Variants in DTNB observed in about 807,000 individuals in gnomAD.
The protein encoded by DTNB is DTN-B.
In DTNB, 63 loss-of-function variants were observed where a neutral mutation model predicts 90.7. That is an observed-to-expected ratio of 0.69 (90% CI 0.57 to 0.86). DTNB has a LOEUF of 0.86. Among genes scored for constraint, DTNB ranks in the 40% least tolerant of loss-of-function variants. The probability of loss-of-function intolerance (pLI) is 0.00; values close to 1 mark genes in which losing one functional copy is unlikely to be tolerated. For missense variants in DTNB, 744 were observed against 807.1 expected, an observed-to-expected ratio of 0.92 and a Z score of 0.95; for synonymous variants, 277 against 286.7, an observed-to-expected ratio of 0.97 and a Z score of 0.34.
intron 9 of DTNB, among the ~76,000 whole-genome samples, chr2:25,515,082 C>T (rs946207426): frequency 6.6e-6 from 1 of 151,850 alleles, no homozygotes; most frequent in Non-Finnish European, 1.5e-5. Flanking sequence ...GTGGCTACTG[C>T]TAAGGATTTG....
intron 9 of DTNB, among the ~76,000 whole-genome samples, chr2:25,522,287 T>C (rs1420856386): frequency 1.3e-5 from 2 of 152,214 alleles, no homozygotes; most frequent in African/African-American, 2.4e-5. Flanking sequence ...CAAAGAAATA[T>C]GCCTGACATC....
At chr2:25,463,137 G>T (rs2061271977) in intron 10 of DTNB, among the ~76,000 whole-genome samples, 1 of 152,020 alleles carries the variant, frequency 6.6e-6, no homozygotes, top group African/African-American at 2.4e-5. Context: ...GTGCCCAATG[G>T]GCATTTCAAA....
intron 6 of DTNB, among the ~76,000 whole-genome samples, chr2:25,583,457 C>A: frequency 6.6e-6 from 1 of 151,434 alleles, no homozygotes; most frequent in Non-Finnish European, 1.5e-5. Context: ...ACTTATAATT[C>A]TAATACTACT....
chr2:25,459,880 G>C (rs2060660534), intron 10 of DTNB, among the ~76,000 whole-genome samples: 1 of 152,126 alleles, frequency 6.6e-6, no homozygotes, highest in Admixed American at 6.5e-5. Flanking sequence ...GGACGAGGTG[G>C]GAGGATCACT....
intron 11 of DTNB, among the ~76,000 whole-genome samples, chr2:25,453,540 C>A (rs2059577003): frequency 6.6e-6 from 1 of 152,194 alleles, no homozygotes; most frequent in Non-Finnish European, 1.5e-5. Context: ...GGTGAGACTT[C>A]AGGGCCTTAG....
At chr2:25,519,825 C>G (rs1287321700) in intron 9 of DTNB, among the ~76,000 whole-genome samples, 2 of 152,142 alleles carry the variant, frequency 1.3e-5, no homozygotes, top group African/African-American at 4.8e-5. Flanking sequence ...TAGAATGAAT[C>G]TGATACTCCT....
intron 8 of DTNB, among the ~76,000 whole-genome samples, chr2:25,538,455 A>C (rs1244049395): frequency 6.6e-6 from 1 of 152,010 alleles, no homozygotes; most frequent in Non-Finnish European, 1.5e-5. Context: ...GTGTTTGTAC[A>C]GTTTTCTTTT....
At chr2:25,470,005 G>A (rs1170990285) in intron 10 of DTNB, among the ~76,000 whole-genome samples, 1 of 152,180 alleles carries the variant, frequency 6.6e-6, no homozygotes, top group Non-Finnish European at 1.5e-5. Context: ...AAAGAGACCA[G>A]ATCGCCCCAA....
At chr2:25,662,142 C>G (rs1353054776) in intron 1 of DTNB, among the ~76,000 whole-genome samples, 1 of 142,830 alleles carries the variant, frequency 7.0e-6, no homozygotes, top group African/African-American at 2.6e-5. Context: ...GGTGACAGAG[C>G]GAGACTCCGT....
chr2:25,627,182 G>A (rs2074358225), intron 4 of DTNB, among the ~76,000 whole-genome samples: 1 of 152,228 alleles, frequency 6.6e-6, no homozygotes, highest in Admixed American at 6.5e-5. Context: ...GGAAGCCAAG[G>A]TGGGCGGATC....
chr2:25,430,830 C>T (rs182255039), intron 14 of DTNB, among the ~76,000 whole-genome samples: 20 of 152,206 alleles, frequency 1.3e-4, no homozygotes, highest in African/African-American at 2.9e-4. Flanking sequence ...TTGACTATTA[C>T]GCTTCATATA....
intron 12 of DTNB, among the ~76,000 whole-genome samples, chr2:25,444,386 G>T (rs577243287): frequency 7.0e-4 from 107 of 152,012 alleles, no homozygotes; most frequent in Non-Finnish European, 1.4e-3. Context: ...CAAAAAATTA[G>T]CCGGGTGTGG....
At chr2:25,588,666 G>A (rs1186998163) in intron 6 of DTNB, among the ~76,000 whole-genome samples, 2 of 152,114 alleles carry the variant, frequency 1.3e-5, no homozygotes, top group Admixed American at 1.3e-4. Flanking sequence ...CCTGGCCTCT[G>A]AGGACATTTT....
chr2:25,643,553 C>T (rs1048202699), intron 2 of DTNB, among the ~76,000 whole-genome samples: 15 of 152,150 alleles, frequency 9.9e-5, no homozygotes, highest in Non-Finnish European at 1.9e-4. Flanking sequence ...AAAAGTTAGA[C>T]AAACTGTAGA....
intron 9 of DTNB, among the ~76,000 whole-genome samples, chr2:25,518,042 G>T (rs1003859231): frequency 1.3e-5 from 2 of 152,112 alleles, no homozygotes; most frequent in African/African-American, 2.4e-5. Flanking sequence ...AAAGTAGAAC[G>T]GTGGTCACAG....
intron 6 of DTNB, among the ~76,000 whole-genome samples, chr2:25,591,731 T>C (rs1403325581): frequency 6.6e-6 from 1 of 152,030 alleles, no homozygotes; most frequent in Non-Finnish European, 1.5e-5. Flanking sequence ...TTATTAAAAT[T>C]CTTAAAAATA....
rs11294720 is a variant in DTNB, at chr2:25,665,776, T to TA, written c.-2+7609dup. On this transcript the variant is annotated intron_variant, in intron 1 of 20. Transcript: ENST00000406818. ...CTTCTTTTCTCTTCTCTTTCAGATT[T>TA]AAAAAAAAAAAAAAAAGGCCAGGGA... is the stretch of plus-strand genomic sequence containing the variant. Among the ~76,000 whole-genome samples the TA allele has an allele frequency of 1.6e-3, 228 of 141,470 alleles. 4 individuals are homozygous for TA. In the South Asian group the frequency reaches 0.016, roughly 10 times the overall value. 92.8% of individuals were successfully genotyped at this position (141,470 alleles called of 152,430 possible).
At chr2:25,416,829 G>GAAGGAAGGAAGGAAGC in intron 16 of DTNB, among the ~76,000 whole-genome samples, 1 of 151,726 alleles carries the variant, frequency 6.6e-6, no homozygotes, top group African/African-American at 2.4e-5. Context: ...AGGAAGGAAG[G>GAAGGAAGGAAGGAAGC]AAGGAAGGAA....
chr2:25,532,245 CAAAAAAAAAA>C (rs11352371), intron 8 of DTNB, among the ~76,000 whole-genome samples: 2 of 74,304 alleles, frequency 2.7e-5, no homozygotes, highest in Non-Finnish European at 2.9e-5. Flanking sequence ...AACTCTGTCT[CAAAAAAAAAA>C]AAAAAAAAAA....
Sources: allele counts gnomAD v4.1 joint callset (sites outside exome capture counted in the v4.1 genomes callset), GRCh38; gene constraint gnomAD v4.1.1; transcripts MANE v1.5; gene names NCBI Gene and HGNC (gene_info 2026-07-23, HGNC 2026-07-21).